ZMYM1: variants seen among roughly 807,000 people sequenced by gnomAD.
ZMYM1 encodes zinc finger MYM-type protein 1.
In ZMYM1, 39 loss-of-function variants were observed where a neutral mutation model predicts 60.0. The observed-to-expected ratio is 0.65, with a 90% CI of 0.50 to 0.85. ZMYM1 has a LOEUF of 0.85. Ranked by LOEUF, ZMYM1 falls within the 40% of genes least tolerant of loss-of-function variation. ZMYM1 has a pLI of 0.00. For synonymous variants in ZMYM1, 413 were observed against 454.0 expected (o/e 0.91, Z 1.15); for missense variants, 1,171 against 1,309.5 (o/e 0.89, Z 1.63).
downstream of ZMYM1, among the ~76,000 whole-genome samples, chr1:35,118,040 C>T (rs1037042496): frequency 2.6e-5 from 4 of 151,800 alleles, no homozygotes; most frequent in Non-Finnish European, 5.9e-5. Flanking sequence ...GAATTCAAGA[C>T]CAGCCTGGCC....
intron 1 of ZMYM1, among the ~76,000 whole-genome samples, chr1:35,083,774 C>A (rs558048377): frequency 2.3e-4 from 35 of 152,074 alleles, no homozygotes; most frequent in Non-Finnish European, 3.8e-4. Flanking sequence ...CATCCACCAC[C>A]ATGCCCAGCT....
chr1:35,108,392 C>G (rs1643965565), intron 6 of ZMYM1, among the ~76,000 whole-genome samples: 1 of 152,004 alleles, frequency 6.6e-6, no homozygotes, highest in Non-Finnish European at 1.5e-5. Context: ...TGCTCTGTTG[C>G]CCAGGCTGGC....
chr1:35,099,380 C>T (rs984445757), intron 4 of ZMYM1, among the ~76,000 whole-genome samples: 1 of 152,156 alleles, frequency 6.6e-6, no homozygotes, highest in African/African-American at 2.4e-5. Flanking sequence ...ACCTTAGAGA[C>T]TCACTACACA....
intron 6 of ZMYM1, among the ~76,000 whole-genome samples, chr1:35,105,370 C>T (rs1643865268): frequency 6.6e-6 from 1 of 151,978 alleles, no homozygotes; most frequent in Admixed American, 6.6e-5. Context: ...ATCTCCTGAC[C>T]TCGTGATCCA....
chr1:35,112,457 C>T (rs991675588), intron 9 of ZMYM1, among the ~76,000 whole-genome samples: 9 of 147,990 alleles, frequency 6.1e-5, no homozygotes, highest in African/African-American at 2.0e-4. Context: ...GGATTACAGG[C>T]ATGAGCCACC....
At chr1:35,106,748 CAGA>C (rs1643900976) in intron 6 of ZMYM1, among the ~76,000 whole-genome samples, 1 of 152,070 alleles carries the variant, frequency 6.6e-6, no homozygotes, top group Non-Finnish European at 1.5e-5. Flanking sequence ...ACGGAAAGCA[CAGA>C]AGACTTCTCC....
chr1:35,110,362 T>G lies in ZMYM1; in HGVS notation c.876T>G (p.Thr292=), dbSNP rs1042804171. 12 of 1,597,758 alleles carry G rather than the reference T, an allele frequency of 7.5e-6. No homozygotes were observed. The highest frequency in any genetic ancestry group is 1.0e-5 in the Non-Finnish European group (12 of 1,173,174). ...PLKPSDEMIE[T]TSDLGKTELF... ...AGCCCTCAGATGAAATGATTGAGAC[T>G]ACGAGTGATTTGGGGAAGACAGAGC... The change falls in exon 7 of 10, where the codon ACT becomes ACG. Residue 292 remains threonine (T), a synonymous_variant. Transcript: ENST00000359858.
chr1:35,097,223 C>T, intron 3 of ZMYM1, 94 bp from the exon 4 acceptor site: 2 of 1,405,212 alleles, frequency 1.4e-6, no homozygotes, highest in Non-Finnish European at 1.9e-6. Flanking sequence ...GAACAAGACC[C>T]TGTCTCTAAA....
At chr1:35,097,065 C>A (rs751179448) in intron 3 of ZMYM1, among the ~76,000 whole-genome samples, 1 of 151,970 alleles carries the variant, frequency 6.6e-6, no homozygotes, top group African/African-American at 2.4e-5. Flanking sequence ...CTCAGGTGAT[C>A]CACCTGCCTT....
intron 1 of ZMYM1, among the ~76,000 whole-genome samples, chr1:35,069,949 T>G: frequency 6.6e-6 from 1 of 152,186 alleles, no homozygotes; most frequent in Non-Finnish European, 1.5e-5. Flanking sequence ...GGTCTATGTG[T>G]GTGTGTTTGT....
chr1:35,075,087 T>C (rs1218274978), upstream of ZMYM1, among the ~76,000 whole-genome samples: 2 of 152,108 alleles, frequency 1.3e-5, no homozygotes, highest in Non-Finnish European at 2.9e-5. Flanking sequence ...GTAGCACATA[T>C]ATATTTATAA....
At chr1:35,094,702 A>G (rs965957551) in intron 2 of ZMYM1, among the ~76,000 whole-genome samples, 1 of 152,162 alleles carries the variant, frequency 6.6e-6, no homozygotes, top group Non-Finnish European at 1.5e-5. Context: ...TACAAAAATT[A>G]GCCAGGCATA....
Position 35,115,098 on chromosome 1 carries a change from CT to C in ZMYM1, c.3269del (p.Leu1090ArgfsTer22). On this transcript the variant is annotated frameshift_variant, in exon 10 of 10. Transcript: ENST00000359858. LOFTEE classifies it high-confidence loss of function. ...AAGTACTGAGAACTCATTTTCTACC[CT>C]GCCTCGTCTTAAGACATATTTATGT... Reference protein sequence around the residue: ...SASTENSFSTLPRLKTYLCNT... With the variant: ...SASTENSFSTXPRLKTYLCNT... 1 of 1,614,074 alleles carries C rather than the reference CT, an allele frequency of 6.2e-7. No homozygotes were observed. Among genetic ancestry groups the C allele is most frequent in the Non-Finnish European group, 8.5e-7 (1 of 1,179,966 alleles).
At chr1:35,095,999 C>A in intron 3 of ZMYM1, 108 bp downstream of exon 3, 1 of 823,096 alleles carries the variant, frequency 1.2e-6, no homozygotes, top group South Asian at 1.6e-5. Context: ...GGTTTTAAGT[C>A]CAGGAGAAGT....
chr1:35,116,580 C>T (rs1644250757), downstream of ZMYM1, among the ~76,000 whole-genome samples: 1 of 152,142 alleles, frequency 6.6e-6, no homozygotes, highest in Non-Finnish European at 1.5e-5. Context: ...GCCTCAGCCT[C>T]CCAAGTAGCT....
intron 1 of ZMYM1, among the ~76,000 whole-genome samples, chr1:35,086,659 CA>C (rs533356800): frequency 9.2e-4 from 140 of 151,864 alleles, no homozygotes; most frequent in Non-Finnish European, 1.5e-3. Flanking sequence ...AAATCTCATG[CA>C]ATTTTTTTTT....
At chr1:35,107,450 CAG>C (rs139580187) in intron 6 of ZMYM1, among the ~76,000 whole-genome samples, 8,464 of 147,526 alleles carry the variant, frequency 0.057, 515 homozygotes, top group East Asian at 0.38. Context: ...GCCTGGGCGA[CAG>C]AGCGAGACTC....
At chr1:35,081,230 C>G (rs867645186) in intron 1 of ZMYM1, among the ~76,000 whole-genome samples, 5 of 152,116 alleles carry the variant, frequency 3.3e-5, no homozygotes, top group African/African-American at 7.2e-5. Context: ...TAAAATAAAT[C>G]TTAGCAAAGT....
chr1:35,089,966 G>A (rs1253666424), intron 1 of ZMYM1, among the ~76,000 whole-genome samples: 7 of 148,374 alleles, frequency 4.7e-5, no homozygotes, highest in Non-Finnish European at 8.9e-5. Flanking sequence ...GTGTAGTGGC[G>A]CGATCTCGGC....
Sources: allele counts gnomAD v4.1 joint callset (sites outside exome capture counted in the v4.1 genomes callset), GRCh38; gene constraint gnomAD v4.1.1; transcripts MANE v1.5; gene names NCBI Gene and HGNC (gene_info 2026-07-23, HGNC 2026-07-21).